NAGA: variants seen among roughly 807,000 people sequenced by gnomAD.
NAGA encodes Acetylgalactosaminidase, alpha-N- (alpha-galactosidase B).
Under a neutral mutation model 45.6 loss-of-function variants are expected in NAGA, and 42 were observed. The ratio of observed to expected loss-of-function variants is 0.92; its 90% CI spans 0.72 to 1.19. The LOEUF (loss-of-function observed/expected upper bound fraction) is 1.19. Ranked by LOEUF, NAGA falls within the 50% of genes most tolerant of loss-of-function variation. NAGA has a pLI of 0.00. For synonymous variants in NAGA, 176 were observed against 203.1 expected (o/e 0.87, Z 1.13); for missense variants, 493 against 544.8 (o/e 0.90, Z 0.95).
intron 5 of NAGA, 45 bp downstream of exon 5, chr22:42,066,665 C>G: frequency 6.5e-7 from 1 of 1,536,474 alleles, no homozygotes; most frequent in Non-Finnish European, 8.8e-7. Flanking sequence ...GGTAAGGAGG[C>G]CTGGGTGTGG....
At chr22:42,064,562 T>C (rs1926610638) in intron 6 of NAGA, among the ~76,000 whole-genome samples, 1 of 151,158 alleles carries the variant, frequency 6.6e-6, no homozygotes, top group Non-Finnish European at 1.5e-5. Flanking sequence ...GGAGAATCGC[T>C]TGAACCTGGG....
At chr22:42,064,548 G>T (rs1411141091) in intron 6 of NAGA, among the ~76,000 whole-genome samples, 1 of 151,210 alleles carries the variant, frequency 6.6e-6, no homozygotes, top group Non-Finnish European at 1.5e-5. Context: ...GGGCGGTTGA[G>T]GCAGGAGAAT....
chr22:42,060,212 G>A lies in NAGA; in HGVS notation c.*67C>T. The A allele has an allele frequency of 6.2e-7, 1 of 1,600,826 alleles. No individual in the cohort carries two copies. The highest frequency in any genetic ancestry group is 8.5e-7 in the Non-Finnish European group (1 of 1,174,250). ...AGCAGAGAACCTCCCCACTTGCCCT[G>A]GGCATGCCAAGGCTCCATGGTCTAG... is the stretch of plus-strand genomic sequence containing the variant. On this transcript the variant is annotated 3_prime_UTR_variant, in exon 9 of 9. Transcript: ENST00000396398.
At chr22:42,064,678 C>T (rs1432366640) in intron 6 of NAGA, among the ~76,000 whole-genome samples, 1 of 152,030 alleles carries the variant, frequency 6.6e-6, no homozygotes, top group African/African-American at 2.4e-5. Flanking sequence ...AACAAAAACC[C>T]CATGGGGGTG....
In NAGA at chr22:42,066,691, A is replaced by T. The variant is rs1569458296; in HGVS notation, c.597+19T>A. Reference sequence around the variant, plus strand: ...CTGGGTGTGGGAAGCGCCATCAGGCAGGGGGCAGAATGGCTTACCCTTGGG... The same window carrying T: ...CTGGGTGTGGGAAGCGCCATCAGGCTGGGGGCAGAATGGCTTACCCTTGGG... On this transcript the variant is annotated intron_variant, in intron 5 of 8. Transcript: ENST00000396398. 3.2e-6 allele frequency: 5 copies of T among 1,581,352 alleles called. No individual in the cohort carries two copies. The Admixed American group carries it at 9.1e-5, about 29-fold the overall frequency.
In NAGA at chr22:42,060,431, A is replaced by G. The variant is rs1926298532; in HGVS notation, c.1102-18T>C. On this transcript the variant is annotated intron_variant, in intron 8 of 8. Coordinates refer to ENST00000396398, the MANE Select transcript of NAGA (RefSeq NM_000262.3). Reference sequence around the variant, plus strand: ...TCCTGGGCCTGCAGTGGGGAGGGACATCACCAATGCCACCATGAGAGTGGC... The same window carrying G: ...TCCTGGGCCTGCAGTGGGGAGGGACGTCACCAATGCCACCATGAGAGTGGC... 6.2e-7 allele frequency: 1 copy of G among 1,612,292 alleles called. No individual in the cohort carries two copies. The highest frequency in any genetic ancestry group is 2.2e-5 in the East Asian group (1 of 44,858).
intron 8 of NAGA, among the ~76,000 whole-genome samples, chr22:42,060,681 C>T (rs936929956): frequency 6.6e-6 from 1 of 152,204 alleles, no homozygotes; most frequent in African/African-American, 2.4e-5. Flanking sequence ...GGGAGGAGTA[C>T]AGCCGTAGAG....
At position 42,062,981 on chromosome 22, in the gene NAGA, G is replaced by T; in HGVS notation, c.803C>A (p.Ala268Asp). The T allele has an allele frequency of 6.2e-7, 1 of 1,614,214 alleles. No individual in the cohort carries two copies. Among genetic ancestry groups the T allele is most frequent in the South Asian group, 1.1e-5 (1 of 91,084 alleles). ...CAGCACCGTCCACAGGGCCATCTGG[G>T]CCCGGGATTGCTCTAAGCTGAGACC... Reference protein sequence around the residue: ...NFGLSLEQSRAQMALWTVLAA... With the variant: ...NFGLSLEQSRDQMALWTVLAA... Residue 268 changes from alanine (A) to aspartate (D), a missense_variant, in exon 7 of 9, where the codon GCC becomes GAC. Coordinates refer to ENST00000396398, the MANE Select transcript of NAGA (RefSeq NM_000262.3).
At chr22:42,062,392 G>A (rs1263686353) in intron 7 of NAGA, among the ~76,000 whole-genome samples, 1 of 152,118 alleles carries the variant, frequency 6.6e-6, no homozygotes. Context: ...CTTGAACCTG[G>A]CAGGTAGAGA....
chr22:42,060,041 G>A lies in NAGA; in HGVS notation c.*238C>T, dbSNP rs12159747. 5.0e-5 allele frequency: 27 copies of A among 540,724 alleles called. No individual in the cohort carries two copies. The highest frequency in any genetic ancestry group is 5.2e-4 in the Middle Eastern group (1 of 1,940). 33.5% of individuals were successfully genotyped at this position (540,724 alleles called of 1,614,324 possible). A position where few individuals can be genotyped will look rare whatever the true frequency, so the allele number is the denominator to read the frequency against. On this transcript the variant is annotated 3_prime_UTR_variant, in exon 9 of 9. Transcript: ENST00000396398. The stretch of plus-strand genomic sequence containing the variant: ...TGCTCAGCAACGTCTGTGGGGCTGC[G>A]CACATGGAAGTAGAGGCCAGGAAGG...
At position 42,065,623 on chromosome 22, in the gene NAGA, A is replaced by G; in HGVS notation, c.759+115T>C. On this transcript the variant is annotated intron_variant, in intron 6 of 8. Transcript: ENST00000396398. ...CAACCAGTTCAGGGACACATTTCAGAAGCGCTGACCTAGAACCCGGCAGTG... is the reference window on the plus strand; with the variant it reads ...CAACCAGTTCAGGGACACATTTCAGGAGCGCTGACCTAGAACCCGGCAGTG... 2.2e-5 allele frequency: 30 copies of G among 1,394,454 alleles called. 1 individual carries two copies. Among genetic ancestry groups the G allele is most frequent in the Non-Finnish European group, 3.0e-5 (30 of 1,005,854 alleles). The allele number at this position is 1,394,454 out of a possible 1,614,324, so 86.4% of individuals were successfully genotyped here. A position where few individuals can be genotyped will look rare whatever the true frequency, so the allele number is the denominator to read the frequency against.
chr22:42,060,448 G>C (rs1318064533), intron 8 of NAGA, 35 bp from the exon 9 acceptor site: 3 of 1,610,820 alleles, frequency 1.9e-6, no homozygotes, highest in South Asian at 2.2e-5. Flanking sequence ...ATGCCACCAT[G>C]AGAGTGGCGG....
chr22:42,060,895 C>A, intron 8 of NAGA, 29 bp downstream of exon 8: 2 of 1,613,884 alleles, frequency 1.2e-6, no homozygotes, highest in Non-Finnish European at 1.7e-6. Context: ...GAAGCCCAGG[C>A]GGGTGGCTGC....
intron 6 of NAGA, among the ~76,000 whole-genome samples, chr22:42,063,483 TAAAAAA>T (rs905987656): frequency 5.4e-5 from 8 of 148,796 alleles, no homozygotes; most frequent in Non-Finnish European, 9.0e-5. Flanking sequence ...CCCTAGGAGT[TAAAAAA>T]AAAAGTAATA....
In NAGA at chr22:42,070,328, C is replaced by T. The variant is rs751806053; in HGVS notation, c.-31G>A. On this transcript the variant is annotated 5_prime_UTR_variant, in exon 1 of 9. It introduces an in-frame stop codon into an upstream open reading frame of the 5' UTR. Transcript: ENST00000396398. ...TGGACTCAGCTTCCGAGGACCTGAC[C>T]AGATCTGGTCTGCGTGTATCAGCTG... 1 of 1,613,982 alleles carries T rather than the reference C, an allele frequency of 6.2e-7. No individual in the cohort carries two copies. Among genetic ancestry groups the T allele is most frequent in the South Asian group, 1.1e-5 (1 of 91,068 alleles).
intron 3 of NAGA, 126 bp from the exon 4 acceptor site, chr22:42,067,416 G>A (rs1486350461): frequency 1.7e-5 from 21 of 1,228,966 alleles, no homozygotes; most frequent in Non-Finnish European, 2.2e-5. Flanking sequence ...GTCCCAGCAT[G>A]CTGGCCCGGC....
chr22:42,069,366 G>C (rs1053311680), intron 1 of NAGA, among the ~76,000 whole-genome samples: 5 of 152,158 alleles, frequency 3.3e-5, no homozygotes, highest in African/African-American at 1.2e-4. Context: ...TGTAATTCCA[G>C]CACTTTGGGA....
intron 4 of NAGA, 111 bp from the exon 5 acceptor site, chr22:42,066,915 T>A: frequency 7.2e-7 from 1 of 1,381,000 alleles, no homozygotes; most frequent in Non-Finnish European, 1.0e-6. Flanking sequence ...AAACAGTAGG[T>A]GCCTCCCCAC....
At chr22:42,066,880 C>T (rs1244216634) in intron 4 of NAGA, 76 bp from the exon 5 acceptor site, 3 of 1,487,762 alleles carry the variant, frequency 2.0e-6, no homozygotes, top group African/African-American at 1.4e-5. Context: ...GACCTTTTCC[C>T]AACAGATGTG....
Sources: gnomAD v4.1 joint callset for allele counts (sites outside exome capture counted in the v4.1 genomes callset) on GRCh38, gnomAD v4.1.1 for gene constraint, MANE v1.5 for transcripts, NCBI Gene and HGNC (gene_info 2026-07-23, HGNC 2026-07-21) for gene names.